The following MYH15 variants were observed in gnomAD, a reference collection of about 807,000 sequenced individuals.
MYH15 encodes the protein myosin-15.
Under a neutral mutation model 240.5 loss-of-function variants are expected in MYH15, and 227 were observed. The ratio of observed to expected loss-of-function variants is 0.94; its 90% CI spans 0.85 to 1.05. The LOEUF (loss-of-function observed/expected upper bound fraction) is 1.05, where lower values mean the gene tolerates loss of function less well. Among genes scored for constraint, MYH15 ranks in the 50% least tolerant of loss-of-function variants. MYH15 has a pLI of 0.00. For synonymous variants in MYH15, 785 were observed against 796.7 expected (o/e 0.99, Z 0.25); for missense variants, 2,217 against 2,247.5 (o/e 0.99, Z 0.27).
chr3:108,431,504 C>T (rs976749561), intron 25 of MYH15, among the ~76,000 whole-genome samples: 5 of 152,226 alleles, frequency 3.3e-5, no homozygotes, highest in African/African-American at 1.2e-4. Context: ...TGACTTGCTC[C>T]TCCTTGCCTT....
At chr3:108,547,084 T>C in the MYH15 span, among the ~76,000 whole-genome samples, 6 of 151,904 alleles carry the variant, frequency 3.9e-5, no homozygotes, top group Non-Finnish European at 7.4e-5. Context: ...ATAGGCCATA[T>C]ATATATATAT....
At chr3:108,491,028 C>G (rs1016464594) in intron 9 of MYH15, among the ~76,000 whole-genome samples, 1 of 152,208 alleles carries the variant, frequency 6.6e-6, no homozygotes, top group South Asian at 2.1e-4. Flanking sequence ...GCCAGAATTA[C>G]GAGCACCTGC....
rs2082556170 is a variant in MYH15, at chr3:108,407,561, ACAGC to A, written c.4620+715_4620+718del. Among the ~76,000 whole-genome samples, 4 of 152,338 alleles carry A rather than the reference ACAGC, an allele frequency of 2.6e-5. No homozygotes were observed. The South Asian group carries it at 6.2e-4, about 24-fold the overall frequency. On this transcript the variant is annotated intron_variant, in intron 32 of 40. Transcript: ENST00000693548. ...CAATTGCTAATGCACACCCAGAGAT[ACAGC>A]CAGAGACTTTTCCTGAACTGTGAAT...
the MYH15 span, among the ~76,000 whole-genome samples, chr3:108,549,312 A>G: frequency 6.6e-6 from 1 of 151,922 alleles, no homozygotes; most frequent in Non-Finnish European, 1.5e-5. Context: ...AGAAAAAAAA[A>G]GTAACTGATA....
At chr3:108,495,546 T>G (rs150405157) in intron 7 of MYH15, among the ~76,000 whole-genome samples, 608 of 152,250 alleles carry the variant, frequency 4.0e-3, no homozygotes, top group African/African-American at 0.014. Flanking sequence ...AGATAAATGC[T>G]TTTTTCTTGA....
chr3:108,454,412 A>T (rs1308054906), intron 20 of MYH15, among the ~76,000 whole-genome samples: 2 of 152,150 alleles, frequency 1.3e-5, no homozygotes, highest in African/African-American at 4.8e-5. Context: ...TAATGTCTCA[A>T]TTGTTTAGGG....
At chr3:108,428,930 CTTTACTCTATTTTTTTTTA>C in intron 26 of MYH15, 49 bp from the exon 27 acceptor site, 1 of 1,507,366 alleles carries the variant, frequency 6.6e-7, no homozygotes, top group Non-Finnish European at 8.9e-7. Flanking sequence ...GTAGCAAGAG[CTTTACTCTATTTTTTTTTA>C]ATCACAAAGC....
At chr3:108,455,420 G>T (rs1033526854) in intron 20 of MYH15, among the ~76,000 whole-genome samples, 1 of 152,174 alleles carries the variant, frequency 6.6e-6, no homozygotes, top group Non-Finnish European at 1.5e-5. Context: ...CCAGGAAGCT[G>T]ATTCACTTTT....
chr3:108,464,034 AAG>A, intron 15 of MYH15, among the ~76,000 whole-genome samples: 1 of 152,270 alleles, frequency 6.6e-6, no homozygotes, highest in African/African-American at 2.4e-5. Context: ...GATATCAAAG[AAG>A]AGAACTATAA....
chr3:108,545,718 A>C, the MYH15 span, among the ~76,000 whole-genome samples: 5 of 146,492 alleles, frequency 3.4e-5, no homozygotes, highest in African/African-American at 1.3e-4. Flanking sequence ...CACACACACA[A>C]ACAAATCTTA....
chr3:108,522,738 A>C (rs942697563), intron 1 of MYH15, among the ~76,000 whole-genome samples: 1 of 152,156 alleles, frequency 6.6e-6, no homozygotes, highest in African/African-American at 2.4e-5. Flanking sequence ...AGCGTTTACT[A>C]TACAGATGCT....
chr3:108,444,682 G>A lies in MYH15; in HGVS notation c.2613C>T (p.Ser871=). 6.2e-7 allele frequency: 1 copy of A among 1,613,870 alleles called. No individual in the cohort carries two copies. The highest frequency in any genetic ancestry group is 1.1e-5 in the South Asian group (1 of 91,062). Residue 871 remains serine, a synonymous_variant, in exon 22 of 41, where the codon TCC becomes TCT. Coordinates refer to ENST00000693548, the MANE Select transcript of MYH15 (RefSeq NM_014981.3). ...QREELKAKQV[S]LTQEKNDLIL... ...TCAGGTCATTTTTTTCCTGAGTGAG[G>A]GATACTTGCTTTGCTTTCAGTTCCT...
Position 108,428,626 on chromosome 3 carries a change from C to G in MYH15, c.3568G>C (p.Asp1190His), listed in dbSNP as rs1470992548. The G allele has an allele frequency of 3.7e-6, 6 of 1,613,752 alleles. No homozygotes were observed. The highest frequency in any genetic ancestry group is 5.1e-6 in the Non-Finnish European group (6 of 1,180,018). ...TSASLKKRHADSLAELEGQVE... is the reference protein window; with the variant it reads ...TSASLKKRHAHSLAELEGQVE... ...TGGCCCTCGAGCTCAGCCAGGCTGT[C>G]TGCATGTCTCTTCTTCAAAGATGCA... Residue 1190 changes from aspartate to histidine, a missense_variant, in exon 27 of 41, where the codon GAC becomes CAC. Asp to His is a moderately conservative substitution (Grantham distance 81, BLOSUM62 -1). Transcript: ENST00000693548.
Position 108,463,145 on chromosome 3 carries a change from C to T in MYH15, c.1830G>A (p.Ala610=), listed in dbSNP as rs777781339. 8.1e-6 allele frequency: 13 copies of T among 1,612,036 alleles called. No homozygotes were observed. The highest frequency in any genetic ancestry group is 1.6e-4 in the Middle Eastern group (1 of 6,066). ...TACTCATGTAATTTTCAAAAAGGCT[C>T]GCCAGGAGTCTGTTGGAAGACTTCT... ...VFQKSSNRLL[A]SLFENYMSTD... Residue 610 remains alanine, a synonymous_variant, in exon 16 of 41, where the codon GCG becomes GCA. Coordinates refer to ENST00000693548, the MANE Select transcript of MYH15 (RefSeq NM_014981.3).
chr3:108,439,924 A>T lies in MYH15; in HGVS notation c.2899-11T>A. ...AGTCAAGTTCTTGACCTGTGGGAAG[A>T]AGATGACAGCTTCATTAAAGCCACT... On this transcript the variant is annotated splice_polypyrimidine_tract_variant and intron_variant, in intron 23 of 40. Coordinates refer to ENST00000693548, the MANE Select transcript of MYH15 (RefSeq NM_014981.3). 1 of 1,553,752 alleles carries T rather than the reference A, an allele frequency of 6.4e-7. No homozygotes were observed. Among genetic ancestry groups the T allele is most frequent in the South Asian group, 1.2e-5 (1 of 80,068 alleles).
At chr3:108,471,110 G>C (rs551764971) in intron 12 of MYH15, among the ~76,000 whole-genome samples, 2 of 125,452 alleles carry the variant, frequency 1.6e-5, no homozygotes, top group Non-Finnish European at 3.3e-5. Context: ...GGAGGGAGGG[G>C]GAAAATGAAG....
intron 1 of MYH15, among the ~76,000 whole-genome samples, chr3:108,507,937 A>G (rs1306747248): frequency 6.6e-6 from 1 of 152,222 alleles, no homozygotes; most frequent in East Asian, 1.9e-4. Flanking sequence ...ATTTTAAACC[A>G]AATGTTATCA....
chr3:108,493,310 A>AC, intron 7 of MYH15, 133 bp from the exon 8 acceptor site: 12 of 641,300 alleles, frequency 1.9e-5, no homozygotes, highest in Non-Finnish European at 3.3e-5. Flanking sequence ...CAAACAAAAA[A>AC]AAAAAAGAAA....
At chr3:108,519,597 C>T (rs1447689002) in intron 1 of MYH15, among the ~76,000 whole-genome samples, 2 of 152,112 alleles carry the variant, frequency 1.3e-5, no homozygotes, top group Non-Finnish European at 2.9e-5. Context: ...AAACTAAGAT[C>T]GAGGGCTATA....
Sources: allele counts gnomAD v4.1 joint callset (sites outside exome capture counted in the v4.1 genomes callset), GRCh38; gene constraint gnomAD v4.1.1; transcripts MANE v1.5; gene names NCBI Gene and HGNC (gene_info 2026-07-23, HGNC 2026-07-21).